The following MIR2052HG variants were observed in gnomAD, a reference collection of about 807,000 sequenced individuals.
The protein encoded by MIR2052HG is MIR2052 host gene.
chr8:74,691,473 G>A (rs1355287320), intron 2 of MIR2052HG, among the ~76,000 whole-genome samples: 1 of 152,140 alleles, frequency 6.6e-6, no homozygotes, highest in Non-Finnish European at 1.5e-5. Flanking sequence ...GTTAGTCATT[G>A]GCAATGGGAA....
chr8:74,665,902 C>T (rs1247339418), intron 2 of MIR2052HG, among the ~76,000 whole-genome samples: 1 of 152,154 alleles, frequency 6.6e-6, no homozygotes, highest in Non-Finnish European at 1.5e-5. Flanking sequence ...TGCACATGCT[C>T]TCTTGCCTGC....
rs554087221 is a variant in MIR2052HG at position 74,615,957 on chromosome 8, G to A, written n.216+3017G>A. The stretch of plus-strand genomic sequence containing the variant: ...GACATGAACTCATCATTTTTTTATG[G>A]CTGCATAGTATTCCATGGTGTATAT... On this transcript the variant is annotated intron_variant and non_coding_transcript_variant, in intron 2 of 6. Coordinates refer to ENST00000523442, the Ensembl canonical transcript of MIR2052HG. Among the ~76,000 whole-genome samples, 6 of 152,140 alleles carry A rather than the reference G, an allele frequency of 3.9e-5. No homozygotes were observed. The East Asian group carries it at 1.2e-3, about 29-fold the overall frequency.
At chr8:74,670,139 T>C (rs1808975224) in intron 2 of MIR2052HG, among the ~76,000 whole-genome samples, 1 of 152,206 alleles carries the variant, frequency 6.6e-6, no homozygotes, top group Non-Finnish European at 1.5e-5. Flanking sequence ...AGACTTCCAG[T>C]CTTCAAAACT....
intron 2 of MIR2052HG, among the ~76,000 whole-genome samples, chr8:74,657,214 C>T (rs1032402002): frequency 8.5e-5 from 13 of 152,312 alleles, no homozygotes; most frequent in Admixed American, 4.6e-4. Flanking sequence ...ATAAAGATAA[C>T]AGAATCCAAG....
intron 1 of MIR2052HG, among the ~76,000 whole-genome samples, chr8:74,600,638 C>G (rs1276134939): frequency 6.6e-6 from 1 of 151,354 alleles, no homozygotes; most frequent in African/African-American, 2.4e-5. Context: ...TGCGGTGGCA[C>G]AATCTTGGCT....
intron 2 of MIR2052HG, among the ~76,000 whole-genome samples, chr8:74,664,784 C>T (rs143942865): frequency 6.6e-6 from 1 of 152,304 alleles, no homozygotes; most frequent in East Asian, 1.9e-4. Flanking sequence ...TCTCAAAGTG[C>T]TGGGATTACA....
chr8:74,680,370 AAAAC>A (rs201712651), intron 2 of MIR2052HG, among the ~76,000 whole-genome samples: 5,413 of 152,194 alleles, frequency 0.036, 240 homozygotes, highest in African/African-American at 0.1. Context: ...TTACAAGAAA[AAAAC>A]AAACAACCCC....
Position 74,644,775 on chromosome 8 carries a change from C to A in MIR2052HG, n.216+31835C>A, listed in dbSNP as rs1055728528. ...GCATGGTGGTGCATGCCTGTGGTCC[C>A]AGCTACTTGGGTGGCTGAGGTTGGA... is the stretch of plus-strand genomic sequence containing the variant. On this transcript the variant is annotated intron_variant and non_coding_transcript_variant, in intron 2 of 6. Coordinates refer to ENST00000523442, the Ensembl canonical transcript of MIR2052HG. 5.3e-5 allele frequency among the ~76,000 whole-genome samples: 8 copies of A among 152,064 alleles called. No individual in the cohort carries two copies. In the East Asian group the frequency reaches 1.4e-3, roughly 26 times the overall value.
intron 2 of MIR2052HG, among the ~76,000 whole-genome samples, chr8:74,677,577 A>G (rs1809068488): frequency 6.6e-6 from 1 of 152,092 alleles, no homozygotes; most frequent in South Asian, 2.1e-4. Flanking sequence ...TAAAAATCAT[A>G]TGTCTAAATA....
chr8:74,659,716 G>A (rs952060325), intron 2 of MIR2052HG, among the ~76,000 whole-genome samples: 1 of 152,124 alleles, frequency 6.6e-6, no homozygotes, highest in African/African-American at 2.4e-5. Flanking sequence ...AAAGTGGTGG[G>A]ACTACAGGTG....
chr8:74,684,405 G>A (rs1409349784), intron 2 of MIR2052HG, among the ~76,000 whole-genome samples: 5 of 151,956 alleles, frequency 3.3e-5, no homozygotes, highest in African/African-American at 7.2e-5. Flanking sequence ...CGTTCCGTTC[G>A]CTAAATCAAG....
chr8:74,719,853 T>TTTC (rs1554577795), intron 4 of MIR2052HG, among the ~76,000 whole-genome samples: 7 of 133,052 alleles, frequency 5.3e-5, no homozygotes, highest in South Asian at 2.3e-4. Context: ...TTTTTTCTTT[T>TTTC]TTTTTTTTTT....
intron 2 of MIR2052HG, among the ~76,000 whole-genome samples, chr8:74,680,846 A>C (rs1486692996): frequency 6.6e-6 from 1 of 151,630 alleles, no homozygotes. Flanking sequence ...GGATTAAGAA[A>C]ATGTGGCACA....
In MIR2052HG at chr8:74,608,622, T is replaced by C. The variant is rs115158976; in HGVS notation, n.129-4231T>C. Among the ~76,000 whole-genome samples the C allele has an allele frequency of 5.8e-3, 884 of 152,280 alleles. 8 individuals carry two copies. The highest frequency in any genetic ancestry group is 0.02 in the African/African-American group (814 of 41,580). On this transcript the variant is annotated intron_variant and non_coding_transcript_variant, in intron 1 of 6. Transcript: ENST00000523442. ...GTTAAGATTCAATCAATTAAATTCA[T>C]ACAAAGTATATTGTCAGACCACAGT... is the stretch of plus-strand genomic sequence containing the variant.
In MIR2052HG at chr8:74,688,590, A is replaced by G. The variant is rs531771913; in HGVS notation, n.217-13789A>G. ...TAGATGCTGCACAAATATGGACAAC[A>G]TTCTGTAGCAAAGCTAAGTACACGT... On this transcript the variant is annotated intron_variant and non_coding_transcript_variant, in intron 2 of 6. Transcript: ENST00000523442. 9.8e-5 allele frequency among the ~76,000 whole-genome samples: 15 copies of G among 152,314 alleles called. No individual in the cohort carries two copies. The East Asian group carries it at 2.9e-3, about 29-fold the overall frequency.
At chr8:74,722,752 T>A (rs112630174) in intron 4 of MIR2052HG, among the ~76,000 whole-genome samples, 2,341 of 152,352 alleles carry the variant, frequency 0.015, 24 homozygotes, top group Non-Finnish European at 0.023. Context: ...AATGGTTATC[T>A]CATTTAATTT....
chr8:74,721,906 G>T (rs1389255945), intron 4 of MIR2052HG, among the ~76,000 whole-genome samples: 1 of 152,126 alleles, frequency 6.6e-6, no homozygotes, highest in African/African-American at 2.4e-5. Context: ...AAAAACCAGG[G>T]CATTGGACAG....
intron 2 of MIR2052HG, among the ~76,000 whole-genome samples, chr8:74,652,008 T>C (rs1330607789): frequency 6.6e-6 from 1 of 152,186 alleles, no homozygotes; most frequent in African/African-American, 2.4e-5. Flanking sequence ...TTGCTGACTG[T>C]CTCGCCTTAT....
intron 2 of MIR2052HG, among the ~76,000 whole-genome samples, chr8:74,651,151 G>A (rs796399222): frequency 1.2e-4 from 17 of 146,950 alleles, no homozygotes; most frequent in African/African-American, 4.0e-4. Context: ...TTTTTCCTTA[G>A]CATGCTTTCA....
Sources: gnomAD v4.1 joint callset for allele counts (sites outside exome capture counted in the v4.1 genomes callset) on GRCh38, gnomAD v4.1.1 for gene constraint, MANE v1.5 for transcripts, NCBI Gene and HGNC (gene_info 2026-07-23, HGNC 2026-07-21) for gene names.